Variants in ZNF512B observed in about 807,000 individuals in gnomAD.
The protein encoded by ZNF512B is zinc finger protein 512B.
A neutral mutation model predicts 87.8 loss-of-function variants in ZNF512B; 22 were observed. That is an observed-to-expected ratio of 0.25 (90% CI 0.18 to 0.36). ZNF512B has a LOEUF of 0.36. ZNF512B is among the 10% of genes least tolerant of loss of function. The pLI is 1.00. For missense variants in ZNF512B, 1,060 were observed against 1,231.6 expected (o/e 0.86, Z 2.09); for synonymous variants, 524 against 490.9 (o/e 1.07, Z -0.89).
rs1432869068 is a variant in ZNF512B at position 63,957,731 on chromosome 20, G to C, written c.*2157C>G. 4.6e-5 allele frequency: 7 copies of C among 152,628 alleles called. No homozygotes were observed. In the East Asian group the frequency reaches 1.3e-3, roughly 29 times the overall value. 9.5% of individuals were successfully genotyped at this position (152,628 alleles called of 1,614,324 possible). On this transcript the variant is annotated 3_prime_UTR_variant, in exon 17 of 17. Coordinates refer to ENST00000369888, the MANE Select transcript of ZNF512B (RefSeq NM_020713.3). ...GCCAAGTACCTGAGAGGCTGGGGCAGGCACCACACCCTGCAGGTGTTCAGG... is the reference window on the plus strand; with the variant it reads ...GCCAAGTACCTGAGAGGCTGGGGCACGCACCACACCCTGCAGGTGTTCAGG...
At chr20:63,963,312 C>T in intron 11 of ZNF512B, 30 bp downstream of exon 11, 1 of 1,537,582 alleles carries the variant, frequency 6.5e-7, no homozygotes, top group South Asian at 1.2e-5. Flanking sequence ...AGGGCCCCCC[C>T]ACCCCACACT....
rs996271275 is a variant in ZNF512B at position 63,961,203 on chromosome 20, C to T, written c.2427+106G>A. On this transcript the variant is annotated intron_variant, in intron 16 of 16. Transcript: ENST00000369888. The surrounding 1 kb of genome is among the most constrained non-coding windows in gnomAD (Gnocchi z 6.4). ...CACATTGGCCACTCTCCCAGGCACA[C>T]CCCATGCAGGCCACTGACCTCTCTA... 1.7e-5 allele frequency: 17 copies of T among 997,108 alleles called. No individual in the cohort carries two copies. The African/African-American group carries it at 2.5e-4, about 15-fold the overall frequency. The allele number at this position is 997,108 out of a possible 1,614,324, so 61.8% of individuals were successfully genotyped here. A position where few individuals can be genotyped will look rare whatever the true frequency, so the allele number is the denominator to read the frequency against.
At chr20:63,962,101 G>A in intron 14 of ZNF512B, 97 bp from the exon 15 acceptor site, 1 of 1,419,456 alleles carries the variant, frequency 7.0e-7, no homozygotes, top group Non-Finnish European at 9.7e-7. Context: ...GGCTCTTTGG[G>A]GCAAGTGAGG....
rs1275038641 is a variant in ZNF512B at position 63,963,011 on chromosome 20, C to T, written c.1968+84G>A. 5 of 1,446,346 alleles carry T rather than the reference C, an allele frequency of 3.5e-6. No individual in the cohort carries two copies. The African/African-American group carries it at 4.2e-5, about 12-fold the overall frequency. The allele number at this position is 1,446,346 out of a possible 1,614,324, so 89.6% of individuals were successfully genotyped here. A position where few individuals can be genotyped will look rare whatever the true frequency, so the allele number is the denominator to read the frequency against. Reference sequence around the variant, plus strand: ...ACACACGCGTTGGGCGGTACATGGACAAATACAGTTGGCACCCAAGGCACA... The same window carrying T: ...ACACACGCGTTGGGCGGTACATGGATAAATACAGTTGGCACCCAAGGCACA... On this transcript the variant is annotated intron_variant, in intron 12 of 16. Transcript: ENST00000369888.
Position 63,961,837 on chromosome 20 carries a change from G to A in ZNF512B, c.2328+105C>T. The A allele has an allele frequency of 1.6e-6, 2 of 1,214,350 alleles. No individual in the cohort carries two copies. The highest frequency in any genetic ancestry group is 4.3e-5 in the Admixed American group (2 of 46,992). The allele number at this position is 1,214,350 out of a possible 1,614,324, so 75.2% of individuals were successfully genotyped here. The stretch of plus-strand genomic sequence containing the variant: ...AAGAGGAGGCCACGTAGAAAAAGTA[G>A]GGGACAAGGCAGGGTCCCTCACTAC... On this transcript the variant is annotated intron_variant, in intron 15 of 16. Transcript: ENST00000369888. This position sits in a 1 kb window ranked among gnomAD's most constrained non-coding sequence, Gnocchi z 6.4.
intron 13 of ZNF512B, 71 bp downstream of exon 13, chr20:63,962,516 A>G (rs2058864473): frequency 6.4e-7 from 1 of 1,558,842 alleles, no homozygotes. Flanking sequence ...TGGCTGTCCC[A>G]AGTCTCAGGC....
intron 14 of ZNF512B, 23 bp downstream of exon 14, chr20:63,962,250 C>G: frequency 1.3e-6 from 2 of 1,592,868 alleles, no homozygotes; most frequent in Non-Finnish European, 1.7e-6. Flanking sequence ...CCCCACGCCC[C>G]CCACCCGGCT....
chr20:63,967,024 G>A lies in ZNF512B; in HGVS notation c.265-20C>T. Reference sequence around the variant, plus strand: ...GGAGAGCTAGGCGTGGGGAAAGGTGGTGCTGCTGACCCGCAGCCACCTGGG... The same window carrying A: ...GGAGAGCTAGGCGTGGGGAAAGGTGATGCTGCTGACCCGCAGCCACCTGGG... On this transcript the variant is annotated intron_variant, in intron 3 of 16. Coordinates refer to ENST00000369888, the MANE Select transcript of ZNF512B (RefSeq NM_020713.3). 6.2e-7 allele frequency: 1 copy of A among 1,612,558 alleles called. No homozygotes were observed. The highest frequency in any genetic ancestry group is 8.5e-7 in the Non-Finnish European group (1 of 1,179,938).
chr20:63,967,930 A>G lies in ZNF512B; in HGVS notation c.21T>C (p.Val7=), dbSNP rs775414407. Reference sequence around the variant, plus strand: ...TGGACCCCGGGAGCCGACGGCCTCCAACGCAGAAAGGATCCGTCATCTCTG... The same window carrying G: ...TGGACCCCGGGAGCCGACGGCCTCCGACGCAGAAAGGATCCGTCATCTCTG... MTDPFC[V]GGRRLPGSSK... Residue 7 remains valine, a synonymous_variant, in exon 2 of 17, where the codon GTT becomes GTC. Transcript: ENST00000369888. The G allele has an allele frequency of 1.2e-6, 2 of 1,611,868 alleles. No homozygotes were observed. Among genetic ancestry groups the G allele is most frequent in the Admixed American group, 1.7e-5 (1 of 59,984 alleles).
chr20:63,968,786 G>C (rs2058952899), intron 1 of ZNF512B, among the ~76,000 whole-genome samples: 1 of 152,264 alleles, frequency 6.6e-6, no homozygotes, highest in Non-Finnish European at 1.5e-5. Context: ...CAGCAGTGAA[G>C]GCCCAGGATG....
chr20:63,963,552 A>G, intron 10 of ZNF512B, 66 bp downstream of exon 10: 2 of 1,601,150 alleles, frequency 1.2e-6, no homozygotes, highest in Admixed American at 3.3e-5. Context: ...AACCGGGGGC[A>G]CTGCGGTGAA....
chr20:63,963,607 C>A lies in ZNF512B; in HGVS notation c.1698+11G>T. ...GGTCACGCTGGACGGGAGCTGGGGG[C>A]CCGACGGTACCTTGGCACTGTGCTC... On this transcript the variant is annotated intron_variant, in intron 10 of 16. Coordinates refer to ENST00000369888, the MANE Select transcript of ZNF512B (RefSeq NM_020713.3). 6.2e-7 allele frequency: 1 copy of A among 1,613,064 alleles called. No homozygotes were observed. Among genetic ancestry groups the A allele is most frequent in the Non-Finnish European group, 8.5e-7 (1 of 1,179,884 alleles).
rs766563949 is a variant in ZNF512B at position 63,962,273 on chromosome 20, G to A, written c.2265C>T (p.Asp755=). 13 of 1,609,692 alleles carry A rather than the reference G, an allele frequency of 8.1e-6. 1 individual carries two copies. Among genetic ancestry groups the A allele is most frequent in the South Asian group, 4.4e-5 (4 of 90,936 alleles). ...CCCCCACCCGGCTGCCTCCGCTCAC[G>A]TCGTTGGGACAGTTGACGTGGCCTT... ...KEKGHVNCPN[D]CCEAIYSSVS... is the part of the protein sequence containing the mutation. The change falls in exon 14 of 17, where the codon GAC becomes GAT. Residue 755 remains aspartate, a splice_region_variant and synonymous_variant. Coordinates refer to ENST00000369888, the MANE Select transcript of ZNF512B (RefSeq NM_020713.3).
chr20:63,969,268 G>T, intron 1 of ZNF512B: 2 of 835,814 alleles, frequency 2.4e-6, no homozygotes, highest in Non-Finnish European at 2.9e-6. Context: ...GAATAGTGGG[G>T]CCTGAGGCCA....
intron 12 of ZNF512B, 65 bp from the exon 13 acceptor site, chr20:63,962,846 G>A (rs1175545299): frequency 2.7e-6 from 4 of 1,464,868 alleles, no homozygotes; most frequent in Non-Finnish European, 3.6e-6. Context: ...TCAGCGCGCG[G>A]CGAGGCCACC....
Position 63,959,762 on chromosome 20 carries a change from C to T in ZNF512B, c.*126G>A. The T allele has an allele frequency of 2.2e-6, 3 of 1,376,548 alleles. No homozygotes were observed. Among genetic ancestry groups the T allele is most frequent in the Non-Finnish European group, 2.9e-6 (3 of 1,040,934 alleles). 85.3% of individuals were successfully genotyped at this position (1,376,548 alleles called of 1,614,324 possible). ...GGGAAGGGAGAGTGGCTGGCTGCCC[C>T]ACTGGACGGATGAAGAGGCGGGGGT... is the stretch of plus-strand genomic sequence containing the variant. On this transcript the variant is annotated 3_prime_UTR_variant, in exon 17 of 17. Coordinates refer to ENST00000369888, the MANE Select transcript of ZNF512B (RefSeq NM_020713.3).
rs751542672 is a variant in ZNF512B at position 63,966,171 on chromosome 20, C to T, written c.1004G>A (p.Arg335His). Residue 335 changes from arginine (R) to histidine (H), a missense_variant, in exon 5 of 17, where the codon CGT becomes CAT. Arg to His is a conservative substitution (Grantham distance 29). Around this residue, in one of 9 missense-constraint regions of ZNF512B, gnomAD observed 12 missense variants for 32.0 expected, o/e 0.38. Transcript: ENST00000369888. The stretch of plus-strand genomic sequence containing the variant: ...CTTACCACTGTTCCTCCCTGTGGCA[C>T]GAGGTGCTTTGTTCTCCGACCTGGT... Reference protein sequence around the residue: ...LLTRSENKAPRATGRNSGKKR... With the variant: ...LLTRSENKAPHATGRNSGKKR... The T allele has an allele frequency of 2.3e-5, 37 of 1,613,402 alleles. No homozygotes were observed. The highest frequency in any genetic ancestry group is 1.2e-4 in the Admixed American group (7 of 59,972).
rs1295362005 is a variant in ZNF512B at position 63,956,944 on chromosome 20, C to T, written c.*2944G>A. ...GATAGCTGGAACCTCTTTCAAAATG[C>T]ACTTATGTACTGAGAACTGGCATTA... On this transcript the variant is annotated 3_prime_UTR_variant, in exon 17 of 17. Transcript: ENST00000369888. The T allele has an allele frequency of 1.3e-5, 2 of 152,578 alleles. No individual in the cohort carries two copies. Among genetic ancestry groups the T allele is most frequent in the Non-Finnish European group, 2.9e-5 (2 of 68,044 alleles). 9.5% of individuals were successfully genotyped at this position (152,578 alleles called of 1,614,324 possible). A position where few individuals can be genotyped will look rare whatever the true frequency, so the allele number is the denominator to read the frequency against.
At position 63,966,338 on chromosome 20, in the gene ZNF512B, T is replaced by C. The variant is rs2058926104; in HGVS notation, c.837A>G (p.Thr279=). ...CGGGTTTCGTAACTGTCACAAGCTT[T>C]GTTACCGTAATGGGTTTGGTGACAG... ...PVPVTKPITV[T]KLVTVTKPVP... The change falls in exon 5 of 17, where the codon ACA becomes ACG. Residue 279 remains threonine, a synonymous_variant. Transcript: ENST00000369888. 1.9e-6 allele frequency: 3 copies of C among 1,594,734 alleles called. No individual in the cohort carries two copies. Among genetic ancestry groups the C allele is most frequent in the Admixed American group, 3.4e-5 (2 of 58,436 alleles).
Sources: allele counts gnomAD v4.1 joint callset (sites outside exome capture counted in the v4.1 genomes callset), GRCh38; gene constraint gnomAD v4.1.1; regional missense constraint gnomAD v4.1.1; non-coding constraint Gnocchi (gnomAD v3.1); transcripts MANE v1.5; gene names NCBI Gene and HGNC (gene_info 2026-07-23, HGNC 2026-07-21).